Variants in CDH13 observed in about 807,000 individuals in gnomAD.
The protein encoded by CDH13 is cadherin-13.
CDH13 carries 24 observed loss-of-function variants against 63.8 expected under a neutral mutation model. The ratio of observed to expected loss-of-function variants is 0.38; its 90% CI spans 0.27 to 0.53. The LOEUF (loss-of-function observed/expected upper bound fraction) is 0.53. Ranked by LOEUF, CDH13 falls within the 20% of genes least tolerant of loss-of-function variation. The pLI, the probability that CDH13 is intolerant of heterozygous loss-of-function variation, is 0.85. For missense variants in CDH13, 1,049 were observed against 903.1 expected (o/e 1.16, Z -2.07); for synonymous variants, 503 against 355.3 (o/e 1.42, Z -4.67).
intron 3 of CDH13, among the ~76,000 whole-genome samples, chr16:83,115,958 C>T (rs1020758719): frequency 2.0e-5 from 3 of 152,202 alleles, no homozygotes; most frequent in Admixed American, 2.0e-4. Flanking sequence ...CAACAGGTGG[C>T]CAGCCCGGGT....
chr16:83,634,753 C>A (rs1911104945), intron 8 of CDH13, among the ~76,000 whole-genome samples: 1 of 152,122 alleles, frequency 6.6e-6, no homozygotes, highest in Admixed American at 6.5e-5. Flanking sequence ...TCCAAGTACT[C>A]ACATCAGCCG....
chr16:82,703,038 C>G (rs116762608), intron 1 of CDH13, among the ~76,000 whole-genome samples: 3,599 of 152,282 alleles, frequency 0.024, 79 homozygotes, highest in African/African-American at 0.048. Flanking sequence ...CAAACACTTA[C>G]AGCATCAGTT....
intron 5 of CDH13, among the ~76,000 whole-genome samples, chr16:83,226,508 C>G (rs543157275): frequency 6.6e-6 from 1 of 152,318 alleles, no homozygotes; most frequent in African/African-American, 2.4e-5. Context: ...TGGCACCTGG[C>G]CCACACTCGG....
At chr16:83,791,456 A>G (rs1338235637) in intron 13 of CDH13, among the ~76,000 whole-genome samples, 2 of 151,814 alleles carry the variant, frequency 1.3e-5, no homozygotes, top group Admixed American at 6.6e-5. Context: ...AGATCATGCC[A>G]CTGTACTCCA....
intron 4 of CDH13, among the ~76,000 whole-genome samples, chr16:83,154,767 T>C (rs2037137793): frequency 6.6e-6 from 1 of 152,174 alleles, no homozygotes; most frequent in South Asian, 2.1e-4. Context: ...ACCATTGGCC[T>C]TTAAAAGATA....
chr16:83,297,704 A>G (rs540432306), intron 5 of CDH13, among the ~76,000 whole-genome samples: 1 of 152,340 alleles, frequency 6.6e-6, no homozygotes, highest in Admixed American at 6.5e-5. Context: ...GTGTCAGATA[A>G]GGCTTTGATG....
rs111462184 is a variant in CDH13, at chr16:83,585,622, C to G, written c.961-16832C>G. Reference sequence around the variant, plus strand: ...TGGTAATGGAAGCTGTCAGAGTCCACAGGGGTGGGTGGAACCAAAGCTGGA... The same window carrying G: ...TGGTAATGGAAGCTGTCAGAGTCCAGAGGGGTGGGTGGAACCAAAGCTGGA... On this transcript the variant is annotated intron_variant, in intron 7 of 13. Coordinates refer to ENST00000567109, the MANE Select transcript of CDH13 (RefSeq NM_001257.5). Among the ~76,000 whole-genome samples, 1,452 of 151,810 alleles carry G rather than the reference C, an allele frequency of 9.6e-3. 34 individuals are homozygous for G. Among genetic ancestry groups the G allele is most frequent in the African/African-American group, 0.034 (1,397 of 41,398 alleles).
intron 1 of CDH13, among the ~76,000 whole-genome samples, chr16:82,744,896 C>A (rs1444809148): frequency 2.0e-5 from 3 of 152,170 alleles, no homozygotes; most frequent in Non-Finnish European, 4.4e-5. Flanking sequence ...TCACTCTAAT[C>A]CCCAGAGCCT....
intron 5 of CDH13, among the ~76,000 whole-genome samples, chr16:83,220,170 G>C (rs576978116): frequency 1.3e-5 from 2 of 152,176 alleles, no homozygotes; most frequent in Non-Finnish European, 2.9e-5. Flanking sequence ...TCATTGTCCT[G>C]TTTTCATCAT....
chr16:83,476,967 G>A (rs569964124), intron 6 of CDH13, among the ~76,000 whole-genome samples: 2 of 152,290 alleles, frequency 1.3e-5, no homozygotes, highest in South Asian at 4.1e-4. Context: ...TTTAAGGGGT[G>A]TAAGAAAAAT....
At chr16:83,490,492 C>A (rs1363550029) in intron 7 of CDH13, among the ~76,000 whole-genome samples, 1 of 152,178 alleles carries the variant, frequency 6.6e-6, no homozygotes, top group East Asian at 1.9e-4. Flanking sequence ...TCACATGGAG[C>A]CATCTGAGGC....
At chr16:83,727,459 C>G (rs1208926376) in intron 10 of CDH13, among the ~76,000 whole-genome samples, 1 of 151,866 alleles carries the variant, frequency 6.6e-6, no homozygotes, top group East Asian at 1.9e-4. Context: ...CACCGAGATT[C>G]TCCCAGCACA....
chr16:83,561,753 C>T (rs1041878131), intron 7 of CDH13, among the ~76,000 whole-genome samples: 17 of 152,204 alleles, frequency 1.1e-4, no homozygotes, highest in Non-Finnish European at 1.9e-4. Context: ...ATGGTATATG[C>T]GGAATAAATT....
At chr16:83,529,464 T>G (rs1041161879) in intron 7 of CDH13, among the ~76,000 whole-genome samples, 5 of 152,170 alleles carry the variant, frequency 3.3e-5, no homozygotes, top group Non-Finnish European at 5.9e-5. Context: ...CTGTACTACA[T>G]CCATTCTAGG....
chr16:82,919,603 C>G (rs1280206897), intron 2 of CDH13, among the ~76,000 whole-genome samples: 2 of 152,304 alleles, frequency 1.3e-5, no homozygotes, highest in Non-Finnish European at 2.9e-5. Context: ...CTTTATCCAG[C>G]TCACCATTGA....
chr16:83,713,609 CTT>C (rs1555518386), intron 10 of CDH13, among the ~76,000 whole-genome samples: 3 of 152,010 alleles, frequency 2.0e-5, no homozygotes, highest in East Asian at 1.9e-4. Context: ...GGCTGGGACT[CTT>C]TTAGTTAAAA....
intron 10 of CDH13, among the ~76,000 whole-genome samples, chr16:83,690,279 G>A (rs1904720323): frequency 6.6e-6 from 1 of 152,220 alleles, no homozygotes. Flanking sequence ...AGTAACTGGT[G>A]ATTAATGCAA....
At chr16:82,992,824 C>T (rs774330617) in intron 2 of CDH13, among the ~76,000 whole-genome samples, 2 of 152,128 alleles carry the variant, frequency 1.3e-5, no homozygotes, top group Admixed American at 6.5e-5. Flanking sequence ...TTCAGAGGAA[C>T]AGAAAATCAA....
intron 10 of CDH13, among the ~76,000 whole-genome samples, chr16:83,708,061 C>G (rs890006195): frequency 6.6e-6 from 1 of 152,104 alleles, no homozygotes; most frequent in African/African-American, 2.4e-5. Flanking sequence ...GTTTCCCAGC[C>G]AAGGCTCTTC....
Sources: allele counts gnomAD v4.1 joint callset (sites outside exome capture counted in the v4.1 genomes callset), GRCh38; gene constraint gnomAD v4.1.1; transcripts MANE v1.5; gene names NCBI Gene and HGNC (gene_info 2026-07-23, HGNC 2026-07-21).